The following GMPS variants were observed in gnomAD, a reference collection of about 807,000 sequenced individuals.
GMPS encodes the protein GMP synthase [glutamine-hydrolyzing].
Under a neutral mutation model 77.9 loss-of-function variants are expected in GMPS, and 15 were observed. The ratio of observed to expected loss-of-function variants is 0.19; its 90% CI spans 0.13 to 0.30. The LOEUF (loss-of-function observed/expected upper bound fraction) is 0.30, where lower values mean the gene tolerates loss of function less well. Ranked by LOEUF, GMPS falls within the 10% of genes least tolerant of loss-of-function variation. The probability of loss-of-function intolerance (pLI) is 1.00; values close to 1 mark genes in which losing one functional copy is unlikely to be tolerated. For missense variants in GMPS, 590 were observed against 838.8 expected (o/e 0.70, Z 3.66); for synonymous variants, 224 against 275.9 (o/e 0.81, Z 1.86).
intron 10 of GMPS, among the ~76,000 whole-genome samples, chr3:155,921,797 A>G (rs1351104245): frequency 6.6e-6 from 1 of 152,178 alleles, no homozygotes; most frequent in East Asian, 1.9e-4. Context: ...ATCTCTTAAA[A>G]AAAGGGAGAT....
In GMPS at chr3:155,939,201, A is replaced by G. The variant is rs922110758; in HGVS notation, c.*1509A>G. 5.0e-5 allele frequency: 11 copies of G among 220,402 alleles called. No homozygotes were observed. The highest frequency in any genetic ancestry group is 6.4e-5 in the Non-Finnish European group (7 of 110,040). 13.7% of individuals were successfully genotyped at this position (220,402 alleles called of 1,614,324 possible). A position where few individuals can be genotyped will look rare whatever the true frequency, so the allele number is the denominator to read the frequency against. On this transcript the variant is annotated 3_prime_UTR_variant, in exon 16 of 16. Transcript: ENST00000496455. ...ACAAAACTTAAAGGGTACATTCTCT[A>G]TCTGATGAGGAGGTACTCATTATGG...
chr3:155,931,188 CTT>C (rs1302963548), intron 12 of GMPS, among the ~76,000 whole-genome samples: 6 of 144,776 alleles, frequency 4.1e-5, no homozygotes, highest in Non-Finnish European at 4.6e-5. Flanking sequence ...ATGTTGAATA[CTT>C]TTTTTTTTTT....
rs769827433 is a variant in GMPS at position 155,942,247 on chromosome 3, C to T, written c.*4555C>T. ...GACTACAGGCGCCCGCCACTACGCC[C>T]GGCTAATTTTTTTGTACTTTTTAGT... On this transcript the variant is annotated 3_prime_UTR_variant, in exon 16 of 16. Coordinates refer to ENST00000496455, the MANE Select transcript of GMPS (RefSeq NM_003875.3). 9 of 182,326 alleles carry T rather than the reference C, an allele frequency of 4.9e-5. No individual in the cohort carries two copies. The highest frequency in any genetic ancestry group is 1.2e-4 in the African/African-American group (5 of 42,462). 11.3% of individuals were successfully genotyped at this position (182,326 alleles called of 1,614,324 possible). A position where few individuals can be genotyped will look rare whatever the true frequency, so the allele number is the denominator to read the frequency against.
intron 12 of GMPS, among the ~76,000 whole-genome samples, chr3:155,929,667 C>G (rs1160156756): frequency 2.0e-4 from 27 of 134,940 alleles, no homozygotes; most frequent in Non-Finnish European, 1.8e-4. Context: ...TCAGCAAAGT[C>G]TCAGGATACA....
intron 2 of GMPS, among the ~76,000 whole-genome samples, chr3:155,895,037 C>G (rs1456963502): frequency 6.6e-6 from 1 of 152,138 alleles, no homozygotes; most frequent in African/African-American, 2.4e-5. Flanking sequence ...AACAAAAAAT[C>G]CCCAGCAAAC....
At chr3:155,932,837 A>G (rs1755660540) in intron 13 of GMPS, among the ~76,000 whole-genome samples, 1 of 152,204 alleles carries the variant, frequency 6.6e-6, no homozygotes, top group Non-Finnish European at 1.5e-5. Flanking sequence ...ACTCAAATGA[A>G]CTGAAAACCG....
chr3:155,878,023 C>T (rs1023061457), intron 1 of GMPS, among the ~76,000 whole-genome samples: 9 of 152,122 alleles, frequency 5.9e-5, no homozygotes, highest in Non-Finnish European at 1.0e-4. Context: ...ATCCGCCTGC[C>T]TTGGCCTCCC....
At chr3:155,929,596 A>G (rs1184596994) in intron 12 of GMPS, among the ~76,000 whole-genome samples, 1 of 146,770 alleles carries the variant, frequency 6.8e-6, no homozygotes. Context: ...AGACAACATG[A>G]TTGTATATCT....
At chr3:155,891,943 G>A (rs1754481513) in intron 1 of GMPS, among the ~76,000 whole-genome samples, 1 of 152,120 alleles carries the variant, frequency 6.6e-6, no homozygotes, top group African/African-American at 2.4e-5. Flanking sequence ...TAGTGGTGTT[G>A]TAGGTTAGGC....
At chr3:155,872,499 A>G (rs761376832) in intron 1 of GMPS, among the ~76,000 whole-genome samples, 27 of 152,258 alleles carry the variant, frequency 1.8e-4, no homozygotes, top group Admixed American at 1.3e-4. Context: ...AACTGGTGTT[A>G]GAAGGACTGA....
In GMPS at chr3:155,940,924, G is replaced by A. The variant is rs1215668929; in HGVS notation, c.*3232G>A. The A allele has an allele frequency of 4.7e-6, 1 of 212,666 alleles. No individual in the cohort carries two copies. Among genetic ancestry groups the A allele is most frequent in the Non-Finnish European group, 9.5e-6 (1 of 105,174 alleles). 13.2% of individuals were successfully genotyped at this position (212,666 alleles called of 1,614,324 possible). Reference sequence around the variant, plus strand: ...AACACCCATCAAAGTTTTCCTGGTAGGAATCTCTCTTTACTGCGTGTTTTT... The same window carrying A: ...AACACCCATCAAAGTTTTCCTGGTAAGAATCTCTCTTTACTGCGTGTTTTT... On this transcript the variant is annotated 3_prime_UTR_variant, in exon 16 of 16. Coordinates refer to ENST00000496455, the MANE Select transcript of GMPS (RefSeq NM_003875.3).
rs574500582 is a variant in GMPS, at chr3:155,941,388, GCGAGAC to G, written c.*3697_*3702del. On this transcript the variant is annotated 3_prime_UTR_variant, in exon 16 of 16. Transcript: ENST00000496455. ...CACTGCACTCCGGCCTGGTGAAAGAGCGAGACTCAGTCTCAAAAAAAAAAAAAAAAG... is the reference window on the plus strand; with the variant it reads ...CACTGCACTCCGGCCTGGTGAAAGAGTCAGTCTCAAAAAAAAAAAAAAAAG... 2,761 of 169,342 alleles carry G rather than the reference GCGAGAC, an allele frequency of 0.016. 86 individuals are homozygous for G. The highest frequency in any genetic ancestry group is 0.069 in the African/African-American group (2,564 of 37,026). 10.5% of individuals were successfully genotyped at this position (169,342 alleles called of 1,614,324 possible).
chr3:155,910,611 T>A, intron 5 of GMPS, 81 bp from the exon 6 acceptor site: 1 of 626,866 alleles, frequency 1.6e-6, no homozygotes, highest in Non-Finnish European at 2.6e-6. Context: ...GAGGCAGAGA[T>A]TGTGAGAAAT....
chr3:155,940,761 G>A lies in GMPS; in HGVS notation c.*3069G>A, dbSNP rs1189257728. ...TAGTGTTTTTTTTTTTTTTTTTTAA[G>A]GTTCTTTTATCATCAGATATGACAC... On this transcript the variant is annotated 3_prime_UTR_variant, in exon 16 of 16. Coordinates refer to ENST00000496455, the MANE Select transcript of GMPS (RefSeq NM_003875.3). 2.7e-5 allele frequency: 5 copies of A among 182,076 alleles called. No homozygotes were observed. Among genetic ancestry groups the A allele is most frequent in the Non-Finnish European group, 4.3e-5 (4 of 93,006 alleles). The allele number at this position is 182,076 out of a possible 1,614,324, so 11.3% of individuals were successfully genotyped here.
chr3:155,908,325 G>A (rs780194582), intron 5 of GMPS, among the ~76,000 whole-genome samples: 2 of 152,240 alleles, frequency 1.3e-5, no homozygotes, highest in Non-Finnish European at 2.9e-5. Context: ...CTGTTCCTGT[G>A]TGGTGACCTC....
At chr3:155,917,043 C>T (rs1056591049) in intron 9 of GMPS, among the ~76,000 whole-genome samples, 2 of 151,358 alleles carry the variant, frequency 1.3e-5, no homozygotes, top group South Asian at 2.1e-4. Flanking sequence ...CATGCGACCT[C>T]GGCTCACTGC....
At chr3:155,890,134 C>T (rs1038226290) in intron 1 of GMPS, among the ~76,000 whole-genome samples, 2 of 152,162 alleles carry the variant, frequency 1.3e-5, no homozygotes, top group African/African-American at 4.8e-5. Flanking sequence ...AAAGCTGTGA[C>T]AGTTGCTGCA....
At chr3:155,926,377 G>C (rs1431071034) in intron 12 of GMPS, among the ~76,000 whole-genome samples, 1 of 152,016 alleles carries the variant, frequency 6.6e-6, no homozygotes, top group Non-Finnish European at 1.5e-5. Flanking sequence ...GAAGAGAAAG[G>C]TTATTTTCTT....
intron 2 of GMPS, among the ~76,000 whole-genome samples, chr3:155,897,619 A>G (rs571973801): frequency 6.6e-6 from 1 of 152,328 alleles, no homozygotes; most frequent in South Asian, 2.1e-4. Context: ...ATAAGGAAAC[A>G]AGTAAAACAA....
Sources: allele counts gnomAD v4.1 joint callset (sites outside exome capture counted in the v4.1 genomes callset), GRCh38; gene constraint gnomAD v4.1.1; transcripts MANE v1.5; gene names NCBI Gene and HGNC (gene_info 2026-07-23, HGNC 2026-07-21).